Variants in SYTL5 observed in about 807,000 individuals in gnomAD.
SYTL5 encodes synaptotagmin like 5.
SYTL5 carries 34 observed loss-of-function variants against 55.9 expected under a neutral mutation model. That is an observed-to-expected ratio of 0.61 (90% CI 0.46 to 0.81). SYTL5 has a LOEUF of 0.81. SYTL5 is among the 30% of genes least tolerant of loss of function. SYTL5 has a pLI of 0.00. For missense variants in SYTL5, 637 were observed against 546.7 expected (o/e 1.17, Z -1.65); for synonymous variants, 221 against 188.7 (o/e 1.17, Z -1.40).
chrX:37,915,180 G>A, the SYTL5 span, among the ~76,000 whole-genome samples: 2 of 111,298 alleles, frequency 1.8e-5, no homozygotes, highest in African/African-American at 6.6e-5. Flanking sequence ...ACGTGCACAG[G>A]CGTGTGTTGG....
the SYTL5 span, among the ~76,000 whole-genome samples, chrX:37,990,074 C>T: frequency 2.7e-5 from 3 of 109,820 alleles, no homozygotes; most frequent in African/African-American, 6.7e-5. Flanking sequence ...TTAGTAGAGA[C>T]GGGGTTTAAC....
chrX:37,918,871 G>T, the SYTL5 span, among the ~76,000 whole-genome samples: 7 of 110,766 alleles, frequency 6.3e-5, no homozygotes, highest in African/African-American at 2.3e-4. Flanking sequence ...CAGTCATCCC[G>T]TGGATGCATC....
At chrX:38,110,265 C>G in intron 12 of SYTL5, 56 bp from the exon 13 acceptor site, 1 of 993,077 alleles carries the variant, frequency 1.0e-6, no homozygotes, top group Non-Finnish European at 1.3e-6. Context: ...TCGACCTCTC[C>G]TGGAATTGGA....
the SYTL5 span, chrX:37,991,211 C>T: frequency 8.3e-7 from 1 of 1,197,702 alleles, no homozygotes; most frequent in Non-Finnish European, 1.1e-6. Flanking sequence ...GTCCCAGAGC[C>T]TTGAAGGGAA....
the SYTL5 span, among the ~76,000 whole-genome samples, chrX:37,968,884 C>T: frequency 6.4e-4 from 72 of 112,084 alleles, no homozygotes; most frequent in African/African-American, 2.2e-3. Context: ...GTTATTTTTA[C>T]AATCCACTAT....
chrX:38,070,169 A>G (rs953413105), intron 3 of SYTL5, among the ~76,000 whole-genome samples: 11 of 111,929 alleles, frequency 9.8e-5, no homozygotes, highest in African/African-American at 3.6e-4. Context: ...TCCGAAGCAG[A>G]TTTCAGGATA....
intron 3 of SYTL5, among the ~76,000 whole-genome samples, chrX:38,071,316 G>A (rs962055519): frequency 9.0e-6 from 1 of 111,493 alleles, no homozygotes; most frequent in African/African-American, 3.3e-5. Context: ...TTTAAAAGAT[G>A]GGTGTGACTA....
intron 4 of SYTL5, among the ~76,000 whole-genome samples, chrX:38,072,520 T>C (rs1175482465): frequency 8.9e-6 from 1 of 112,504 alleles, no homozygotes; most frequent in African/African-American, 3.2e-5. Flanking sequence ...AATCCTTGAT[T>C]TTTCAACAAT....
chrX:37,926,379 T>C, the SYTL5 span, among the ~76,000 whole-genome samples: 2 of 111,103 alleles, frequency 1.8e-5, no homozygotes. Context: ...TATTTACTTT[T>C]TTTTTTTACT....
At chrX:38,121,121 A>C (rs1937567347) in intron 14 of SYTL5, among the ~76,000 whole-genome samples, 1 of 110,976 alleles carries the variant, frequency 9.0e-6, no homozygotes, top group African/African-American at 3.3e-5. Context: ...AGAAAGAGAG[A>C]AGGTGCCACA....
Position 38,125,319 on chromosome X carries a change from C to A in SYTL5, c.1863C>A (p.Ser621Arg), listed in dbSNP as rs1937619034. The A allele has an allele frequency of 2.5e-6, 3 of 1,211,141 alleles. No homozygotes were observed. In the South Asian group the frequency reaches 5.3e-5, roughly 21 times the overall value. ...GCAGCTACCTGCTCCCTGATGATAG[C>A]AAAGCCACCAAGCACAAAACTCTGG... Reference protein sequence around the residue: ...FVKGYLLPDDSKATKHKTLVI... With the variant: ...FVKGYLLPDDRKATKHKTLVI... The change falls in exon 16 of 17, where the codon AGC becomes AGA. Residue 621 changes from serine to arginine, a missense_variant. Coordinates refer to ENST00000297875, the MANE Select transcript of SYTL5 (RefSeq NM_138780.3).
chrX:37,904,272 G>C, the SYTL5 span, among the ~76,000 whole-genome samples: 1 of 104,979 alleles, frequency 9.5e-6, no homozygotes, highest in Non-Finnish European at 2.0e-5. Flanking sequence ...GTCCGGGGGG[G>C]GGGGTGATAT....
At chrX:38,099,076 A>C (rs1043494623) in intron 9 of SYTL5, among the ~76,000 whole-genome samples, 1 of 110,834 alleles carries the variant, frequency 9.0e-6, no homozygotes, top group Non-Finnish European at 1.9e-5. Flanking sequence ...ATTATATTGA[A>C]GTTTGCTCAA....
At chrX:38,004,807 G>T (rs1027280412), upstream of SYTL5, among the ~76,000 whole-genome samples, 1 of 111,155 alleles carries the variant, frequency 9.0e-6, no homozygotes, top group African/African-American at 3.3e-5. Context: ...GGGAAGTAGG[G>T]AGGATTAATG....
the SYTL5 span, among the ~76,000 whole-genome samples, chrX:37,890,612 T>A: frequency 3.6e-5 from 4 of 111,886 alleles, no homozygotes; most frequent in Admixed American, 3.8e-4. Context: ...TTCCCAAATG[T>A]ATGTTGGCCT....
chrX:37,923,111 G>C, the SYTL5 span, among the ~76,000 whole-genome samples: 4 of 112,866 alleles, frequency 3.5e-5, no homozygotes, highest in African/African-American at 9.6e-5. Flanking sequence ...GAGGCACACT[G>C]TCTTTACTCT....
At chrX:38,095,922 G>A (rs1936924534) in intron 8 of SYTL5, among the ~76,000 whole-genome samples, 2 of 110,939 alleles carry the variant, frequency 1.8e-5, no homozygotes, top group Non-Finnish European at 3.8e-5. Context: ...AGTGTAATTC[G>A]GTCCAAGGCA....
At position 38,040,833 on chromosome X, in the gene SYTL5, T is replaced by C. The variant is rs539858291; in HGVS notation, c.119+6825T>C. Among the ~76,000 whole-genome samples, 5 of 111,978 alleles carry C rather than the reference T, an allele frequency of 4.5e-5. No individual in the cohort carries two copies. The East Asian group carries it at 8.4e-4, about 19-fold the overall frequency. On this transcript the variant is annotated intron_variant, in intron 2 of 16. Coordinates refer to ENST00000297875, the MANE Select transcript of SYTL5 (RefSeq NM_138780.3). Reference sequence around the variant, plus strand: ...GGCTTCCTTTTTTTGGGTATATACCTAGGAGTGGGATTGCTGGATCATATG... The same window carrying C: ...GGCTTCCTTTTTTTGGGTATATACCCAGGAGTGGGATTGCTGGATCATATG...
At chrX:38,040,582 T>C (rs1935257098) in intron 2 of SYTL5, among the ~76,000 whole-genome samples, 1 of 110,791 alleles carries the variant, frequency 9.0e-6, no homozygotes, top group South Asian at 3.9e-4. Flanking sequence ...ATGCGAAGTT[T>C]GTCTTTCTGT....
Sources: allele counts gnomAD v4.1 joint callset (sites outside exome capture counted in the v4.1 genomes callset), GRCh38; gene constraint gnomAD v4.1.1; transcripts MANE v1.5; gene names NCBI Gene and HGNC (gene_info 2026-07-23, HGNC 2026-07-21).